Variants in L3MBTL4 observed in about 807,000 individuals in gnomAD.
L3MBTL4 encodes L3MBTL histone methyl-lysine binding protein 4.
Under a neutral mutation model 84.5 loss-of-function variants are expected in L3MBTL4, and 70 were observed. The ratio of observed to expected loss-of-function variants is 0.83; its 90% CI spans 0.68 to 1.01. The LOEUF (loss-of-function observed/expected upper bound fraction) is 1.01. L3MBTL4 is among the 50% of genes least tolerant of loss of function. The pLI is 0.00. For synonymous variants in L3MBTL4, 274 were observed against 259.8 expected (o/e 1.05, Z -0.52); for missense variants, 715 against 754.8 (o/e 0.95, Z 0.62).
chr18:6,062,772 G>A lies in L3MBTL4; in HGVS notation c.1444+18109C>T, dbSNP rs1208142037. Among the ~76,000 whole-genome samples the A allele has an allele frequency of 2.6e-5, 4 of 151,890 alleles. No homozygotes were observed. In the East Asian group the frequency reaches 7.7e-4, roughly 29 times the overall value. ...TCAGTCATGTTGACTCTGTTAACGA[G>A]CCCGTCAAAGGCATTCTTCATTTCT... On this transcript the variant is annotated intron_variant, in intron 16 of 18. Coordinates refer to ENST00000317931, the MANE Select transcript of L3MBTL4 (RefSeq NM_001330559.2).
chr18:6,263,844 T>C lies in L3MBTL4; in HGVS notation c.219+103A>G, dbSNP rs1291182044. On this transcript the variant is annotated intron_variant, in intron 5 of 18. Coordinates refer to ENST00000317931, the MANE Select transcript of L3MBTL4 (RefSeq NM_001330559.2). ...GTCATTTTCCAGCAGAGCCTACAAA[T>C]AATTCAAATAAGTTGATGGGCTATC... 6.0e-6 allele frequency: 5 copies of C among 826,474 alleles called. No homozygotes were observed. In the East Asian group the frequency reaches 1.2e-4, roughly 20 times the overall value. The allele number at this position is 826,474 out of a possible 1,614,324, so 51.2% of individuals were successfully genotyped here.
At chr18:6,083,793 C>T (rs930821826) in intron 15 of L3MBTL4, among the ~76,000 whole-genome samples, 7 of 152,080 alleles carry the variant, frequency 4.6e-5, no homozygotes, top group African/African-American at 1.7e-4. Context: ...CTGTTTATAC[C>T]TGATTTATTC....
At chr18:5,957,367 T>C (rs1356424563) in intron 18 of L3MBTL4, among the ~76,000 whole-genome samples, 1 of 152,188 alleles carries the variant, frequency 6.6e-6, no homozygotes, top group Non-Finnish European at 1.5e-5. Context: ...ATGTATTCAA[T>C]CTTGTTTTGA....
chr18:6,000,665 GT>G (rs1290051958), intron 16 of L3MBTL4, among the ~76,000 whole-genome samples: 1 of 152,164 alleles, frequency 6.6e-6, no homozygotes, highest in African/African-American at 2.4e-5. Flanking sequence ...ATCTATATAT[GT>G]GAATGTACTT....
chr18:6,276,931 C>T (rs2049104762), intron 4 of L3MBTL4, among the ~76,000 whole-genome samples: 1 of 152,024 alleles, frequency 6.6e-6, no homozygotes, highest in Non-Finnish European at 1.5e-5. Flanking sequence ...AAGAATTATA[C>T]ATCCAATGAA....
At chr18:6,166,455 G>C (rs2043661770) in intron 13 of L3MBTL4, among the ~76,000 whole-genome samples, 1 of 152,036 alleles carries the variant, frequency 6.6e-6, no homozygotes, top group Non-Finnish European at 1.5e-5. Flanking sequence ...AAATGTAAAA[G>C]AACAGAAATT....
intron 1 of L3MBTL4, among the ~76,000 whole-genome samples, chr18:6,317,975 G>A (rs1488906810): frequency 6.6e-6 from 1 of 152,088 alleles, no homozygotes; most frequent in Non-Finnish European, 1.5e-5. Flanking sequence ...GAATAACTGA[G>A]AGCCAAGAAT....
At chr18:6,382,850 G>A (rs1043733178) in intron 1 of L3MBTL4, among the ~76,000 whole-genome samples, 6 of 152,194 alleles carry the variant, frequency 3.9e-5, no homozygotes, top group Admixed American at 1.3e-4. Context: ...TGTGCTGGGA[G>A]GTCCACTGCT....
intron 1 of L3MBTL4, among the ~76,000 whole-genome samples, chr18:6,330,177 T>C (rs2143104639): frequency 6.6e-6 from 1 of 152,368 alleles, no homozygotes; most frequent in African/African-American, 2.4e-5. Context: ...GTTAAGTCCA[T>C]GCCTAGGAGT....
intron 5 of L3MBTL4, among the ~76,000 whole-genome samples, chr18:6,252,914 C>G (rs2047985858): frequency 2.0e-5 from 3 of 152,122 alleles, no homozygotes; most frequent in Admixed American, 2.0e-4. Flanking sequence ...AGCCTTAAAA[C>G]CCCCTGGGGC....
At chr18:6,220,174 G>A (rs1420822886) in intron 10 of L3MBTL4, among the ~76,000 whole-genome samples, 1 of 152,166 alleles carries the variant, frequency 6.6e-6, no homozygotes, top group Non-Finnish European at 1.5e-5. Context: ...AGCAAAAAAG[G>A]AAACATGTAA....
chr18:6,245,909 T>C (rs2047643827), intron 5 of L3MBTL4, among the ~76,000 whole-genome samples: 1 of 152,152 alleles, frequency 6.6e-6, no homozygotes, highest in Non-Finnish European at 1.5e-5. Context: ...TTTTAAGAAC[T>C]GTTGAAGTTT....
chr18:6,072,681 AACAC>A (rs367701179), intron 16 of L3MBTL4, among the ~76,000 whole-genome samples: 1 of 119,702 alleles, frequency 8.4e-6, no homozygotes, highest in African/African-American at 3.3e-5. Flanking sequence ...TCTACTAAAA[AACAC>A]ACACACACAC....
intron 12 of L3MBTL4, 98 bp from the exon 13 acceptor site, chr18:6,172,040 A>T (rs2043999332): frequency 3.4e-6 from 2 of 579,820 alleles, no homozygotes; most frequent in Non-Finnish European, 6.1e-6. Context: ...GCTGAGATTG[A>T]AATTTTATTG....
At chr18:6,225,062 G>A (rs1008018995) in intron 10 of L3MBTL4, among the ~76,000 whole-genome samples, 2 of 152,120 alleles carry the variant, frequency 1.3e-5, no homozygotes, top group African/African-American at 2.4e-5. Flanking sequence ...AAAGTAGGGG[G>A]GAGCGTTCCC....
chr18:6,126,327 A>G (rs1263139517), intron 14 of L3MBTL4, among the ~76,000 whole-genome samples: 1 of 152,202 alleles, frequency 6.6e-6, no homozygotes, highest in African/African-American at 2.4e-5. Context: ...CTTTTTAAAG[A>G]GAATGAATTT....
chr18:6,178,641 A>G (rs1241205808), intron 12 of L3MBTL4, among the ~76,000 whole-genome samples: 1 of 152,214 alleles, frequency 6.6e-6, no homozygotes, highest in Non-Finnish European at 1.5e-5. Flanking sequence ...AGATCACTGA[A>G]TCAACCACTG....
At chr18:5,964,441 T>C (rs1379580735) in intron 17 of L3MBTL4, among the ~76,000 whole-genome samples, 4 of 152,224 alleles carry the variant, frequency 2.6e-5, no homozygotes, top group Admixed American at 6.5e-5. Context: ...CTGACTCTAC[T>C]GGCTAATCGT....
At chr18:6,194,733 G>C (rs1356938304) in intron 12 of L3MBTL4, among the ~76,000 whole-genome samples, 1 of 152,212 alleles carries the variant, frequency 6.6e-6, no homozygotes, top group Non-Finnish European at 1.5e-5. Context: ...CTGGAGTACA[G>C]ACAAGAAACC....
Sources: gnomAD v4.1 joint callset for allele counts (sites outside exome capture counted in the v4.1 genomes callset) on GRCh38, gnomAD v4.1.1 for gene constraint, MANE v1.5 for transcripts, NCBI Gene and HGNC (gene_info 2026-07-23, HGNC 2026-07-21) for gene names.